The following MACROD2 variants were observed in gnomAD, a reference collection of about 807,000 sequenced individuals.
The protein encoded by MACROD2 is mono-ADP ribosylhydrolase 2.
A neutral mutation model predicts 70.4 loss-of-function variants in MACROD2; 36 were observed. The ratio of observed to expected loss-of-function variants is 0.51; its 90% CI spans 0.39 to 0.68. The LOEUF is 0.68. Ranked by LOEUF, MACROD2 falls within the 30% of genes least tolerant of loss-of-function variation. The pLI, the probability that MACROD2 is intolerant of heterozygous loss-of-function variation, is 0.00. For missense variants in MACROD2, 496 were observed against 538.4 expected, an observed-to-expected ratio of 0.92 and a Z score of 0.78; for synonymous variants, 172 against 178.8, an observed-to-expected ratio of 0.96 and a Z score of 0.30.
At chr20:14,028,390 C>T (rs546992398) in intron 2 of MACROD2, among the ~76,000 whole-genome samples, 1 of 152,148 alleles carries the variant, frequency 6.6e-6, no homozygotes, top group Non-Finnish European at 1.5e-5. Flanking sequence ...AGCTAGACCA[C>T]TTGGTTCCCT....
chr20:14,909,302 G>A (rs1007062348), intron 5 of MACROD2, among the ~76,000 whole-genome samples: 3 of 152,180 alleles, frequency 2.0e-5, no homozygotes, highest in South Asian at 2.1e-4. Context: ...CCAGGGCTTC[G>A]AATCTGGTTA....
intron 5 of MACROD2, among the ~76,000 whole-genome samples, chr20:14,911,515 C>T (rs2074027130): frequency 6.6e-6 from 1 of 152,038 alleles, no homozygotes; most frequent in African/African-American, 2.4e-5. Context: ...GTAGCTGGAA[C>T]TAGAGTGCAT....
intron 8 of MACROD2, among the ~76,000 whole-genome samples, chr20:15,612,216 C>A (rs561539026): frequency 6.6e-6 from 1 of 152,154 alleles, no homozygotes; most frequent in Non-Finnish European, 1.5e-5. Flanking sequence ...TAGCATGAGC[C>A]ATGCCGGCTC....
intron 4 of MACROD2, among the ~76,000 whole-genome samples, chr20:14,549,011 A>G (rs13039768): frequency 0.068 from 10,284 of 152,210 alleles, 442 homozygotes; most frequent in Non-Finnish European, 0.1. Flanking sequence ...ATTACAGGCA[A>G]AGCAAGCCCA....
intron 2 of MACROD2, among the ~76,000 whole-genome samples, chr20:14,043,750 G>A (rs969650812): frequency 2.0e-5 from 3 of 152,168 alleles, no homozygotes; most frequent in African/African-American, 7.2e-5. Context: ...GCAGCTTCAA[G>A]ATGGAAAGGC....
chr20:14,522,411 T>TG (rs1352930993), intron 4 of MACROD2, among the ~76,000 whole-genome samples: 1 of 152,092 alleles, frequency 6.6e-6, no homozygotes, highest in East Asian at 1.9e-4. Context: ...TTTTCTAGAT[T>TG]GGTCAGTCAC....
chr20:15,185,120 A>AT (rs1436826432), intron 5 of MACROD2, among the ~76,000 whole-genome samples: 3 of 152,158 alleles, frequency 2.0e-5, no homozygotes, highest in African/African-American at 7.2e-5. Context: ...AAGTACATAG[A>AT]TCATACTCTA....
chr20:14,549,743 C>CA (rs1260485407), intron 4 of MACROD2, among the ~76,000 whole-genome samples: 2 of 151,924 alleles, frequency 1.3e-5, no homozygotes, highest in East Asian at 3.9e-4. Context: ...GCTAGAGATG[C>CA]AAAAAGGAAT....
At chr20:14,297,037 G>T (rs1035373451) in intron 3 of MACROD2, among the ~76,000 whole-genome samples, 1 of 151,606 alleles carries the variant, frequency 6.6e-6, no homozygotes, top group African/African-American at 2.4e-5. Flanking sequence ...GTGATCTGTG[G>T]TTAGTGATCT....
At position 15,330,675 on chromosome 20, in the gene MACROD2, TG is replaced by T. The variant is rs150803829; in HGVS notation, c.540+100618del. On this transcript the variant is annotated intron_variant, in intron 6 of 17. Coordinates refer to ENST00000684519, the MANE Select transcript of MACROD2 (RefSeq NM_001351661.2). ...CTAATTCAGGAAACTGCCACCTGTT[TG>T]GGGTGGGGTAGTCAATATCACAGGT... is the stretch of plus-strand genomic sequence containing the variant. Among the ~76,000 whole-genome samples the T allele has an allele frequency of 6.9e-3, 1,053 of 151,728 alleles. 46 individuals carry two copies. Among genetic ancestry groups the T allele is most frequent in the African/African-American group, 0.024 (1,003 of 41,120 alleles).
chr20:15,748,376 C>A (rs370665626), intron 8 of MACROD2, among the ~76,000 whole-genome samples: 3,228 of 151,800 alleles, frequency 0.021, 116 homozygotes, highest in African/African-American at 0.074. Context: ...TCCTCCCTTC[C>A]TTCTTTCCTT....
At chr20:15,254,364 T>C (rs1347292466) in intron 6 of MACROD2, among the ~76,000 whole-genome samples, 2 of 152,180 alleles carry the variant, frequency 1.3e-5, no homozygotes, top group Non-Finnish European at 1.5e-5. Context: ...TCAAATGCAG[T>C]GACCTCTTGA....
intron 6 of MACROD2, among the ~76,000 whole-genome samples, chr20:15,252,893 C>T: frequency 6.6e-6 from 1 of 152,184 alleles, no homozygotes; most frequent in East Asian, 1.9e-4. Context: ...GCCTGGCTTG[C>T]ATCATGGCAT....
At chr20:15,531,080 A>G (rs556237842) in intron 8 of MACROD2, among the ~76,000 whole-genome samples, 1 of 151,568 alleles carries the variant, frequency 6.6e-6, no homozygotes. Context: ...ATAATTAAGA[A>G]TAGAGCAAGT....
intron 8 of MACROD2, among the ~76,000 whole-genome samples, chr20:15,539,638 T>C (rs982349026): frequency 5.3e-5 from 8 of 152,238 alleles, no homozygotes; most frequent in Non-Finnish European, 7.3e-5. Flanking sequence ...TTGACAGCCA[T>C]ATTTTAACAA....
At chr20:14,492,512 T>C (rs2084806289) in intron 3 of MACROD2, among the ~76,000 whole-genome samples, 1 of 152,162 alleles carries the variant, frequency 6.6e-6, no homozygotes, top group African/African-American at 2.4e-5. Context: ...TTTGCACCTC[T>C]TAAATTATGA....
chr20:14,385,143 T>G (rs560770464), intron 3 of MACROD2, among the ~76,000 whole-genome samples: 1 of 152,314 alleles, frequency 6.6e-6, no homozygotes, highest in African/African-American at 2.4e-5. Flanking sequence ...TATCTCATTT[T>G]AATAATCAAT....
rs377538824 is a variant in MACROD2 at position 15,920,862 on chromosome 20, G to T, written c.776-12414G>T. Among the ~76,000 whole-genome samples, 4 of 152,136 alleles carry T rather than the reference G, an allele frequency of 2.6e-5. No homozygotes were observed. The East Asian group carries it at 5.8e-4, about 22-fold the overall frequency. On this transcript the variant is annotated intron_variant, in intron 10 of 17. Coordinates refer to ENST00000684519, the MANE Select transcript of MACROD2 (RefSeq NM_001351661.2). ...TAAGAATGTTCTTCAGGATAATTCA[G>T]AGCTTTTGCAGTAGAGGTCGACACC...
chr20:15,438,453 G>A (rs916139827), intron 7 of MACROD2, among the ~76,000 whole-genome samples: 1 of 151,806 alleles, frequency 6.6e-6, no homozygotes, highest in African/African-American at 2.4e-5. Flanking sequence ...TTTTTTCATT[G>A]GCTTGTTGGC....
Sources: gnomAD v4.1 joint callset for allele counts (sites outside exome capture counted in the v4.1 genomes callset) on GRCh38, gnomAD v4.1.1 for gene constraint, MANE v1.5 for transcripts, NCBI Gene and HGNC (gene_info 2026-07-23, HGNC 2026-07-21) for gene names.